Variants in LOC112694756 observed in about 807,000 individuals in gnomAD.
At chr16:30,060,372 C>T in the LOC112694756 span, among the ~76,000 whole-genome samples, 1 of 152,042 alleles carries the variant, frequency 6.6e-6, no homozygotes, top group Non-Finnish European at 1.5e-5. Context: ...GACTCTAGGG[C>T]CTGAGCTTTA....
At chr16:30,065,673 A>G in the LOC112694756 span, 1 of 152,098 alleles carries the variant, frequency 6.6e-6, no homozygotes. Flanking sequence ...GTCGCCTGCC[A>G]TTGGACGCCG....
At chr16:30,066,608 C>T in the LOC112694756 span, among the ~76,000 whole-genome samples, 2 of 152,300 alleles carry the variant, frequency 1.3e-5, no homozygotes, top group Middle Eastern at 3.4e-3. Flanking sequence ...CCTTTCCTAC[C>T]ACCCGCCCCC....
chr16:30,054,117 C>G, the LOC112694756 span, among the ~76,000 whole-genome samples: 2 of 152,018 alleles, frequency 1.3e-5, no homozygotes, highest in Non-Finnish European at 2.9e-5. Context: ...ATCAGGAGTT[C>G]AAGACCAGCC....
the LOC112694756 span, among the ~76,000 whole-genome samples, chr16:30,058,475 C>CT: frequency 1.1e-3 from 160 of 148,806 alleles, no homozygotes; most frequent in Non-Finnish European, 1.8e-3. Context: ...TGCTCTGCTT[C>CT]TTTTTTTTTT....
At chr16:30,063,126 G>A in the LOC112694756 span, among the ~76,000 whole-genome samples, 1 of 150,302 alleles carries the variant, frequency 6.7e-6, no homozygotes, top group Non-Finnish European at 1.5e-5. Context: ...GGGCAACAGA[G>A]TGAGACCCTG....
At chr16:30,064,536 T>G in the LOC112694756 span, 1 of 398,618 alleles carries the variant, frequency 2.5e-6, no homozygotes, top group East Asian at 3.6e-5. Flanking sequence ...TCCCCATCAA[T>G]AGGGCCGACC....
the LOC112694756 span, chr16:30,069,460 C>T: frequency 1.9e-4 from 304 of 1,614,050 alleles, 1 homozygote; most frequent in Middle Eastern, 3.3e-3. Context: ...CTATCCTCTC[C>T]TCCACCCCAC....
chr16:30,069,967 G>A, the LOC112694756 span: 2 of 1,613,854 alleles, frequency 1.2e-6, no homozygotes, highest in South Asian at 2.2e-5. Flanking sequence ...TGCCCTGAAG[G>A]CCTGGGGCGG....
At chr16:30,066,622 C>G in the LOC112694756 span, among the ~76,000 whole-genome samples, 1 of 152,204 alleles carries the variant, frequency 6.6e-6, no homozygotes, top group South Asian at 2.1e-4. Flanking sequence ...CGCCCCCTCC[C>G]TTGTGGGGAA....
At chr16:30,061,188 T>G in the LOC112694756 span, among the ~76,000 whole-genome samples, 1 of 152,268 alleles carries the variant, frequency 6.6e-6, no homozygotes, top group Admixed American at 6.5e-5. Flanking sequence ...GTGCACTGGA[T>G]AGACCAGTTC....
chr16:30,060,549 C>G, the LOC112694756 span, among the ~76,000 whole-genome samples: 1 of 152,108 alleles, frequency 6.6e-6, no homozygotes, highest in South Asian at 2.1e-4. Flanking sequence ...CTGCTTGTAA[C>G]GGTTGAGAAA....
chr16:30,066,932 A>G, the LOC112694756 span: 2 of 1,550,894 alleles, frequency 1.3e-6, no homozygotes, highest in East Asian at 4.9e-5. Context: ...TCCAGCTTCA[A>G]CATGACCCAC....
At chr16:30,069,922 C>G in the LOC112694756 span, 1 of 1,614,150 alleles carries the variant, frequency 6.2e-7, no homozygotes, top group South Asian at 1.1e-5. Context: ...GCCCTGGGCC[C>G]TGACCTTCTC....
the LOC112694756 span, chr16:30,063,636 A>G: frequency 1.3e-4 from 51 of 398,526 alleles, 1 homozygote; most frequent in Middle Eastern, 2.5e-3. Context: ...TGGGCAAGTG[A>G]GATTTCCCAG....
the LOC112694756 span, chr16:30,065,615 G>A: frequency 6.6e-6 from 1 of 152,282 alleles, no homozygotes; most frequent in East Asian, 1.9e-4. Context: ...CCCCTTCCTA[G>A]CGCGGCCTCT....
the LOC112694756 span, among the ~76,000 whole-genome samples, chr16:30,061,548 CTTTT>C: frequency 1.7e-4 from 11 of 65,564 alleles, no homozygotes; most frequent in African/African-American, 5.8e-4. Context: ...CCTCCATTTC[CTTTT>C]TTTTTTTTTT....
chr16:30,070,400 G>A, the LOC112694756 span: 3 of 626,774 alleles, frequency 4.8e-6, no homozygotes, highest in African/African-American at 3.6e-5. Context: ...CAAATAAACA[G>A]CTATTTAAGG....
the LOC112694756 span, among the ~76,000 whole-genome samples, chr16:30,060,001 T>C: frequency 5.2e-3 from 787 of 150,780 alleles, 4 homozygotes; most frequent in African/African-American, 0.018. Context: ...TCTTTTGAGA[T>C]GGAGTCTCAC....
the LOC112694756 span, among the ~76,000 whole-genome samples, chr16:30,060,006 T>C: frequency 6.7e-6 from 1 of 148,530 alleles, no homozygotes; most frequent in East Asian, 2.1e-4. Flanking sequence ...TGAGATGGAG[T>C]CTCACTCTGT....
Sources: gnomAD v4.1 joint callset for allele counts (sites outside exome capture counted in the v4.1 genomes callset) on GRCh38, gnomAD v4.1.1 for gene constraint, MANE v1.5 for transcripts.